CNTNAP2: variants seen among roughly 807,000 people sequenced by gnomAD.
The protein encoded by CNTNAP2 is contactin-associated protein-like 2.
A neutral mutation model predicts 155.2 loss-of-function variants in CNTNAP2; 98 were observed. That is an observed-to-expected ratio of 0.63 (90% CI 0.54 to 0.75). The LOEUF (loss-of-function observed/expected upper bound fraction) is 0.75. Ranked by LOEUF, CNTNAP2 falls within the 30% of genes least tolerant of loss-of-function variation. The probability of loss-of-function intolerance (pLI) is 0.00; values close to 1 mark genes in which losing one functional copy is unlikely to be tolerated. For missense variants in CNTNAP2, 1,727 were observed against 1,688.1 expected (o/e 1.02, Z -0.40); for synonymous variants, 651 against 631.2 (o/e 1.03, Z -0.47).
At chr7:146,864,838 AG>A (rs1554402338) in intron 3 of CNTNAP2, among the ~76,000 whole-genome samples, 1 of 13,708 alleles carries the variant, frequency 7.3e-5, no homozygotes, top group Non-Finnish European at 1.3e-4. Flanking sequence ...AAAACAAAAC[AG>A]AACCTGCAGG....
chr7:146,749,516 T>C (rs1348668120), intron 1 of CNTNAP2, among the ~76,000 whole-genome samples: 1 of 152,172 alleles, frequency 6.6e-6, no homozygotes, highest in Non-Finnish European at 1.5e-5. Context: ...ATTCAGCATC[T>C]TCTGCAGTAC....
intron 8 of CNTNAP2, among the ~76,000 whole-genome samples, chr7:147,251,928 A>G (rs887781111): frequency 6.6e-6 from 1 of 152,174 alleles, no homozygotes; most frequent in Non-Finnish European, 1.5e-5. Flanking sequence ...ATTCCTTCCA[A>G]GTTTAATTCA....
At chr7:147,182,295 C>A (rs984300619) in intron 8 of CNTNAP2, among the ~76,000 whole-genome samples, 12 of 151,890 alleles carry the variant, frequency 7.9e-5, no homozygotes, top group Non-Finnish European at 1.3e-4. Flanking sequence ...CAATATTAAC[C>A]TCCTCTTTTT....
chr7:146,996,462 T>A (rs980896511), intron 3 of CNTNAP2, among the ~76,000 whole-genome samples: 1 of 152,114 alleles, frequency 6.6e-6, no homozygotes, highest in African/African-American at 2.4e-5. Context: ...AGTATTTTTT[T>A]ATACCTATCA....
intron 13 of CNTNAP2, among the ~76,000 whole-genome samples, chr7:147,736,886 G>C (rs1308324218): frequency 6.6e-6 from 1 of 152,120 alleles, no homozygotes; most frequent in Non-Finnish European, 1.5e-5. Flanking sequence ...GTCCTTTAAG[G>C]ACTTCTCTGC....
intron 1 of CNTNAP2, among the ~76,000 whole-genome samples, chr7:146,176,636 G>A (rs1400581296): frequency 3.3e-5 from 5 of 152,034 alleles, no homozygotes; most frequent in Non-Finnish European, 7.4e-5. Flanking sequence ...TCAAATATGT[G>A]GGATACCTAC....
At chr7:147,725,923 A>G (rs895807562) in intron 13 of CNTNAP2, among the ~76,000 whole-genome samples, 7 of 152,046 alleles carry the variant, frequency 4.6e-5, no homozygotes, top group African/African-American at 1.7e-4. Context: ...TGTGAAAGCT[A>G]TATTCTTCCT....
chr7:147,227,078 A>G (rs1198225683), intron 8 of CNTNAP2, among the ~76,000 whole-genome samples: 1 of 152,190 alleles, frequency 6.6e-6, no homozygotes, highest in Non-Finnish European at 1.5e-5. Flanking sequence ...TAGAGTTTCA[A>G]TTTTTTAGAA....
At chr7:146,633,103 T>C (rs1157049084) in intron 1 of CNTNAP2, among the ~76,000 whole-genome samples, 4 of 152,182 alleles carry the variant, frequency 2.6e-5, no homozygotes, top group Admixed American at 2.0e-4. Context: ...GGTTTAACAA[T>C]ATGAACATAC....
intron 8 of CNTNAP2, among the ~76,000 whole-genome samples, chr7:147,160,178 A>T (rs1282296654): frequency 6.6e-6 from 1 of 152,126 alleles, no homozygotes; most frequent in Non-Finnish European, 1.5e-5. Context: ...TCATAAAACT[A>T]GGAAGTGTTT....
intron 16 of CNTNAP2, among the ~76,000 whole-genome samples, chr7:148,139,448 C>G (rs556518543): frequency 7.2e-5 from 11 of 152,186 alleles, no homozygotes; most frequent in Non-Finnish European, 1.5e-4. Context: ...AGTTTCCTGA[C>G]TAATCAGTGA....
intron 8 of CNTNAP2, 125 bp from the exon 9 acceptor site, chr7:147,300,016 A>T: frequency 2.0e-6 from 2 of 1,005,382 alleles, no homozygotes; most frequent in Non-Finnish European, 3.0e-6. Context: ...TTTGAATTGT[A>T]AGCAGCACTG....
intron 13 of CNTNAP2, among the ~76,000 whole-genome samples, chr7:147,825,310 T>C (rs987603587): frequency 5.3e-5 from 8 of 152,184 alleles, no homozygotes; most frequent in African/African-American, 1.9e-4. Flanking sequence ...AGGTTGGTTG[T>C]TAATGGAGTA....
intron 5 of CNTNAP2, among the ~76,000 whole-genome samples, chr7:147,118,306 G>A (rs1801029328): frequency 1.3e-5 from 2 of 151,956 alleles, no homozygotes; most frequent in Admixed American, 6.5e-5. Flanking sequence ...AAATCATAAG[G>A]CAAAAAAAGA....
At chr7:148,406,632 AC>A in intron 22 of CNTNAP2, among the ~76,000 whole-genome samples, 1 of 152,326 alleles carries the variant, frequency 6.6e-6, no homozygotes, top group South Asian at 2.1e-4. Context: ...AAGCTTGGTG[AC>A]TTTCTAGAAG....
At chr7:147,927,008 A>T (rs1461718728) in intron 14 of CNTNAP2, among the ~76,000 whole-genome samples, 1 of 152,244 alleles carries the variant, frequency 6.6e-6, no homozygotes, top group Admixed American at 6.5e-5. Flanking sequence ...TTAAATTGAC[A>T]TTCACTTCCA....
intron 4 of CNTNAP2, among the ~76,000 whole-genome samples, chr7:147,061,993 TGGCG>T (rs1369817578): frequency 6.6e-6 from 1 of 151,350 alleles, no homozygotes. Context: ...CCAGGCGTGG[TGGCG>T]GGCGCCTGTA....
At chr7:146,634,363 C>G (rs1799563247) in intron 1 of CNTNAP2, among the ~76,000 whole-genome samples, 1 of 152,134 alleles carries the variant, frequency 6.6e-6, no homozygotes, top group African/African-American at 2.4e-5. Context: ...TTAATGAAAA[C>G]TGATCTCATT....
At position 147,095,110 on chromosome 7, in the gene CNTNAP2, A is replaced by C. The variant is rs540415329; in HGVS notation, c.551-13037A>C. 4.1e-4 allele frequency among the ~76,000 whole-genome samples: 62 copies of C among 150,764 alleles called. 1 individual carries two copies. The Middle Eastern group carries it at 0.014, about 34-fold the overall frequency. The stretch of plus-strand genomic sequence containing the variant: ...TCTCGGCTCACTGCAACCTTCGTCT[A>C]CCGGGTTCAAGCGATTCTCCTGCCT... On this transcript the variant is annotated intron_variant, in intron 4 of 23. Transcript: ENST00000361727.
Sources: allele counts gnomAD v4.1 joint callset (sites outside exome capture counted in the v4.1 genomes callset), GRCh38; gene constraint gnomAD v4.1.1; transcripts MANE v1.5; gene names NCBI Gene and HGNC (gene_info 2026-07-23, HGNC 2026-07-21).